The following PLCG2 variants were observed in gnomAD, a reference collection of about 807,000 sequenced individuals.
PLCG2 encodes the protein 1-phosphatidylinositol 4,5-bisphosphate phosphodiesterase gamma-2.
PLCG2 carries 69 observed loss-of-function variants against 175.6 expected under a neutral mutation model. That is an observed-to-expected ratio of 0.39 (90% CI 0.32 to 0.48). The LOEUF is 0.48. Among genes scored for constraint, PLCG2 ranks in the 20% least tolerant of loss-of-function variants. The pLI is 0.91. For synonymous variants in PLCG2, 827 were observed against 624.0 expected, an observed-to-expected ratio of 1.33 and a Z score of -4.85; for missense variants, 1,798 against 1,650.9, an observed-to-expected ratio of 1.09 and a Z score of -1.54.
chr16:81,873,638 A>T (rs1907626791), intron 7 of PLCG2, among the ~76,000 whole-genome samples: 1 of 152,118 alleles, frequency 6.6e-6, no homozygotes, highest in South Asian at 2.1e-4. Flanking sequence ...TGAAAATAAG[A>T]TTTGCACATG....
intron 7 of PLCG2, among the ~76,000 whole-genome samples, chr16:81,871,631 C>A (rs1165679693): frequency 6.6e-6 from 1 of 152,126 alleles, no homozygotes; most frequent in East Asian, 1.9e-4. Context: ...AGCCACTGTG[C>A]CCAGCCCTTT....
At chr16:81,886,103 T>C (rs1294417706) in intron 9 of PLCG2, among the ~76,000 whole-genome samples, 1 of 152,242 alleles carries the variant, frequency 6.6e-6, no homozygotes, top group Non-Finnish European at 1.5e-5. Flanking sequence ...TAAAGTTAAA[T>C]TGGTTAAATT....
At chr16:81,824,004 T>TTTCC (rs1904926675) in intron 2 of PLCG2, among the ~76,000 whole-genome samples, 8 of 85,878 alleles carry the variant, frequency 9.3e-5, no homozygotes, top group African/African-American at 3.8e-4. Flanking sequence ...TTCTTTTTCT[T>TTTCC]TTTCCTTTCC....
chr16:81,895,802 T>C lies in PLCG2; in HGVS notation c.1073-5T>C, dbSNP rs747719191. On this transcript the variant is annotated splice_polypyrimidine_tract_variant and splice_region_variant and intron_variant, in intron 12 of 32. Transcript: ENST00000564138. The stretch of plus-strand genomic sequence containing the variant: ...GTATTGAGGCTGCCGCGTTTCTCCC[T>C]GTAGTGGACTGCTGGGACGGGCCCG... 4.3e-6 allele frequency: 7 copies of C among 1,613,936 alleles called. No homozygotes were observed. Among genetic ancestry groups the C allele is most frequent in the Non-Finnish European group, 5.1e-6 (6 of 1,179,978 alleles).
chr16:81,828,044 C>G (rs1905113797), intron 2 of PLCG2, among the ~76,000 whole-genome samples: 2 of 135,672 alleles, frequency 1.5e-5, no homozygotes, highest in African/African-American at 5.6e-5. Flanking sequence ...GAGCCGAGAT[C>G]ATGCCATTGC....
chr16:81,828,672 A>C (rs1905140630), intron 2 of PLCG2, among the ~76,000 whole-genome samples: 1 of 152,120 alleles, frequency 6.6e-6, no homozygotes, highest in African/African-American at 2.4e-5. Context: ...ACCTTAAGCA[A>C]GTTATAAAAG....
chr16:81,835,111 G>T (rs942969945), intron 2 of PLCG2, among the ~76,000 whole-genome samples: 2 of 152,144 alleles, frequency 1.3e-5, no homozygotes, highest in African/African-American at 4.8e-5. Flanking sequence ...TGTCAGCTCT[G>T]TTATTGATTC....
chr16:81,902,577 A>AC (rs1472953138), intron 14 of PLCG2, among the ~76,000 whole-genome samples: 1 of 151,876 alleles, frequency 6.6e-6, no homozygotes, highest in Non-Finnish European at 1.5e-5. Flanking sequence ...TGAGAGCTCT[A>AC]CCCTCATTCC....
chr16:81,906,031 C>T (rs889186459), intron 15 of PLCG2, among the ~76,000 whole-genome samples: 1 of 152,178 alleles, frequency 6.6e-6, no homozygotes, highest in South Asian at 2.1e-4. Context: ...TTTACACACA[C>T]AAATAGTATG....
chr16:81,803,796 C>G (rs112365458), intron 2 of PLCG2, among the ~76,000 whole-genome samples: 14,944 of 151,946 alleles, frequency 0.098, 863 homozygotes, highest in African/African-American at 0.17. Context: ...ATTCTCGTGC[C>G]TCAGCCTCCT....
intron 17 of PLCG2, 96 bp from the exon 18 acceptor site, chr16:81,910,424 G>T (rs1022740825): frequency 4.7e-6 from 5 of 1,054,336 alleles, no homozygotes; most frequent in Admixed American, 1.8e-5. Context: ...AGGGAAGGTT[G>T]TGTGGCCACA....
At chr16:81,923,800 ACATAT>A (rs1258657033) in intron 22 of PLCG2, among the ~76,000 whole-genome samples, 2 of 152,218 alleles carry the variant, frequency 1.3e-5, no homozygotes, top group African/African-American at 2.4e-5. Flanking sequence ...ACAGGTATCG[ACATAT>A]CATATCATAT....
intron 1 of PLCG2, among the ~76,000 whole-genome samples, chr16:81,744,450 A>T (rs1909664329): frequency 6.6e-6 from 1 of 152,196 alleles, no homozygotes; most frequent in Non-Finnish European, 1.5e-5. Flanking sequence ...GGCGTGAGCC[A>T]CCGCACCCAG....
At chr16:81,951,538 TAAG>T (rs1256123867) in intron 31 of PLCG2, among the ~76,000 whole-genome samples, 2 of 152,226 alleles carry the variant, frequency 1.3e-5, no homozygotes, top group Non-Finnish European at 2.9e-5. Context: ...TCCACCAAAG[TAAG>T]AAGAACAATG....
At chr16:81,827,671 C>T (rs554545661) in intron 2 of PLCG2, among the ~76,000 whole-genome samples, 5 of 152,176 alleles carry the variant, frequency 3.3e-5, no homozygotes, top group East Asian at 3.9e-4. Context: ...CCGTGGTTAA[C>T]GGGGAGTCAG....
intron 2 of PLCG2, among the ~76,000 whole-genome samples, chr16:81,833,308 C>T (rs1156665827): frequency 6.6e-6 from 1 of 152,182 alleles, no homozygotes; most frequent in South Asian, 2.1e-4. Flanking sequence ...TTCTGGAGGA[C>T]TGGGGCCTTC....
intron 7 of PLCG2, among the ~76,000 whole-genome samples, chr16:81,872,772 G>A (rs7197832): frequency 0.55 from 83,377 of 152,140 alleles, 23,573 homozygotes; most frequent in Middle Eastern, 0.62. Context: ...GCATGATCTT[G>A]GATGAACCAC....
chr16:81,752,248 T>A (rs1422351198), intron 1 of PLCG2, among the ~76,000 whole-genome samples: 1 of 151,948 alleles, frequency 6.6e-6, no homozygotes, highest in South Asian at 2.1e-4. Flanking sequence ...CTAGGGTGTT[T>A]TTAGAATATC....
chr16:81,906,020 A>T (rs747940992), intron 15 of PLCG2, among the ~76,000 whole-genome samples: 1 of 152,212 alleles, frequency 6.6e-6, no homozygotes, highest in Non-Finnish European at 1.5e-5. Context: ...GATTAAATAT[A>T]TTTACACACA....
Sources: allele counts gnomAD v4.1 joint callset (sites outside exome capture counted in the v4.1 genomes callset), GRCh38; gene constraint gnomAD v4.1.1; transcripts MANE v1.5; gene names NCBI Gene and HGNC (gene_info 2026-07-23, HGNC 2026-07-21).